Variants in ATP8A2 observed in about 807,000 individuals in gnomAD.
ATP8A2 encodes phospholipid-transporting ATPase IB.
In ATP8A2, 100 loss-of-function variants were observed where a neutral mutation model predicts 165.6. The ratio of observed to expected loss-of-function variants is 0.60; its 90% CI spans 0.51 to 0.71. The LOEUF (loss-of-function observed/expected upper bound fraction) is 0.71, where lower values mean the gene tolerates loss of function less well. ATP8A2 is among the 30% of genes least tolerant of loss of function. The probability of loss-of-function intolerance (pLI) is 0.00; values close to 1 mark genes in which losing one functional copy is unlikely to be tolerated. For synonymous variants in ATP8A2, 543 were observed against 548.8 expected, an observed-to-expected ratio of 0.99 and a Z score of 0.15; for missense variants, 1,227 against 1,479.5, an observed-to-expected ratio of 0.83 and a Z score of 2.80.
intron 27 of ATP8A2, among the ~76,000 whole-genome samples, chr13:25,804,363 C>T (rs946347120): frequency 3.3e-5 from 5 of 152,102 alleles, no homozygotes; most frequent in South Asian, 2.1e-4. Context: ...GAAGCCTCTC[C>T]GCTCTGACAG....
intron 33 of ATP8A2, among the ~76,000 whole-genome samples, chr13:25,950,066 C>G: frequency 6.6e-6 from 1 of 152,188 alleles, no homozygotes; most frequent in East Asian, 1.9e-4. Flanking sequence ...TCCCAAAGTG[C>G]AGGGATTACA....
At chr13:25,570,545 C>T (rs1042907745) in intron 16 of ATP8A2, among the ~76,000 whole-genome samples, 1 of 152,182 alleles carries the variant, frequency 6.6e-6, no homozygotes, top group African/African-American at 2.4e-5. Context: ...GCAGGAGCTG[C>T]ATTCCAAGAG....
chr13:25,757,715 C>T (rs2044293322), intron 25 of ATP8A2, among the ~76,000 whole-genome samples: 1 of 152,162 alleles, frequency 6.6e-6, no homozygotes, highest in South Asian at 2.1e-4. Flanking sequence ...AAATCCTTTT[C>T]TCAGTCAGCT....
At chr13:25,378,847 T>TAATTA (rs1251424234) in intron 1 of ATP8A2, among the ~76,000 whole-genome samples, 1 of 152,176 alleles carries the variant, frequency 6.6e-6, no homozygotes, top group Admixed American at 6.5e-5. Flanking sequence ...AGGAAGTGAG[T>TAATTA]CTGGTGCTGT....
At chr13:26,013,348 C>T (rs1044144092) in intron 36 of ATP8A2, among the ~76,000 whole-genome samples, 1 of 152,162 alleles carries the variant, frequency 6.6e-6, no homozygotes, top group African/African-American at 2.4e-5. Context: ...CCTTTCCCTT[C>T]CGGAGGAGTT....
Position 25,837,159 on chromosome 13 carries a change from G to A in ATP8A2, c.2755-4G>A. The A allele has an allele frequency of 6.2e-7, 1 of 1,613,478 alleles. No homozygotes were observed. Among genetic ancestry groups the A allele is most frequent in the South Asian group, 1.1e-5 (1 of 91,016 alleles). Reference sequence around the variant, plus strand: ...CTTTTAATGGCTCATTGTTCTCCCTGCAGATTTTCACCGCTTTGCCGCCCT... The same window carrying A: ...CTTTTAATGGCTCATTGTTCTCCCTACAGATTTTCACCGCTTTGCCGCCCT... On this transcript the variant is annotated splice_polypyrimidine_tract_variant and splice_region_variant and intron_variant, in intron 28 of 36. Coordinates refer to ENST00000381655, the MANE Select transcript of ATP8A2 (RefSeq NM_016529.6).
At chr13:25,658,771 C>T (rs74688825) in intron 24 of ATP8A2, among the ~76,000 whole-genome samples, 4,461 of 152,286 alleles carry the variant, frequency 0.029, 124 homozygotes, top group East Asian at 0.13. Flanking sequence ...CCATACTTCT[C>T]TGAACTTTCC....
At chr13:25,976,027 A>G (rs1287098035) in intron 35 of ATP8A2, among the ~76,000 whole-genome samples, 1 of 152,178 alleles carries the variant, frequency 6.6e-6, no homozygotes, top group African/African-American at 2.4e-5. Flanking sequence ...AGGTTCACAC[A>G]TAGCATTTGG....
At chr13:25,768,354 C>A (rs1226701115) in intron 25 of ATP8A2, among the ~76,000 whole-genome samples, 1 of 152,142 alleles carries the variant, frequency 6.6e-6, no homozygotes, top group Non-Finnish European at 1.5e-5. Context: ...ATCTTGGATT[C>A]CTTGTGGAAA....
intron 1 of ATP8A2, among the ~76,000 whole-genome samples, chr13:25,388,218 G>T (rs1207105563): frequency 1.3e-5 from 2 of 151,884 alleles, no homozygotes; most frequent in African/African-American, 4.8e-5. Context: ...AAGGAAGGAA[G>T]GGATAAAGGA....
chr13:25,900,918 AG>A (rs753780929), intron 33 of ATP8A2, among the ~76,000 whole-genome samples: 71 of 152,248 alleles, frequency 4.7e-4, no homozygotes, highest in Non-Finnish European at 8.7e-4. Flanking sequence ...GACACATGGA[AG>A]CAGCAGGAAC....
intron 24 of ATP8A2, among the ~76,000 whole-genome samples, chr13:25,593,305 A>G (rs939973278): frequency 6.6e-6 from 1 of 152,060 alleles, no homozygotes; most frequent in African/African-American, 2.4e-5. Flanking sequence ...CATCTCTCAT[A>G]TAAGTGTGAG....
chr13:25,800,384 T>C (rs1950597003), intron 27 of ATP8A2, among the ~76,000 whole-genome samples: 2 of 152,254 alleles, frequency 1.3e-5, no homozygotes, highest in South Asian at 2.1e-4. Flanking sequence ...AATTGGATAA[T>C]AAGATCAGTC....
At chr13:25,848,899 G>A (rs1015304364) in intron 30 of ATP8A2, among the ~76,000 whole-genome samples, 6 of 151,964 alleles carry the variant, frequency 3.9e-5, no homozygotes, top group African/African-American at 1.2e-4. Flanking sequence ...GTAATTTAGC[G>A]TCCTGGAAGT....
At chr13:25,883,774 C>T (rs1953053435) in intron 33 of ATP8A2, among the ~76,000 whole-genome samples, 1 of 152,204 alleles carries the variant, frequency 6.6e-6, no homozygotes. Context: ...ACCTCACCAC[C>T]TCCCAGTCTG....
intron 24 of ATP8A2, among the ~76,000 whole-genome samples, chr13:25,694,689 G>T (rs1035414555): frequency 6.6e-6 from 1 of 152,152 alleles, no homozygotes; most frequent in African/African-American, 2.4e-5. Context: ...AAAGTATAAA[G>T]TTTATTTATT....
At chr13:25,477,895 C>T (rs1053472988) in intron 2 of ATP8A2, among the ~76,000 whole-genome samples, 1 of 152,132 alleles carries the variant, frequency 6.6e-6, no homozygotes, top group African/African-American at 2.4e-5. Flanking sequence ...AGAGATCGCA[C>T]CATTGCACTC....
At chr13:25,596,447 C>CA (rs1164942113) in intron 24 of ATP8A2, among the ~76,000 whole-genome samples, 2 of 152,188 alleles carry the variant, frequency 1.3e-5, no homozygotes, top group African/African-American at 4.8e-5. Flanking sequence ...TCCAGCCCTC[C>CA]ATATCCCCAG....
At chr13:25,768,974 G>A in intron 25 of ATP8A2, 72 bp from the exon 26 acceptor site, 2 of 1,404,712 alleles carry the variant, frequency 1.4e-6, no homozygotes, top group Non-Finnish European at 2.0e-6. Context: ...TTTTAATGCA[G>A]CGGAATGTAG....
Sources: allele counts gnomAD v4.1 joint callset (sites outside exome capture counted in the v4.1 genomes callset), GRCh38; gene constraint gnomAD v4.1.1; transcripts MANE v1.5; gene names NCBI Gene and HGNC (gene_info 2026-07-23, HGNC 2026-07-21).